ZNF420: variants seen among roughly 807,000 people sequenced by gnomAD.
ZNF420 encodes the protein zinc finger protein 420, also known as ATM and p53-associated KZNF protein.
A neutral mutation model predicts 44.7 loss-of-function variants in ZNF420; 31 were observed. That is an observed-to-expected ratio of 0.69 (90% confidence interval 0.52 to 0.94). The LOEUF (loss-of-function observed/expected upper bound fraction) is 0.94. Ranked by LOEUF, ZNF420 falls within the 40% of genes least tolerant of loss-of-function variation. The pLI is 0.00. For synonymous variants in ZNF420, 245 were observed against 267.4 expected, an observed-to-expected ratio of 0.92 and a Z score of 0.82; for missense variants, 681 against 827.9, an observed-to-expected ratio of 0.82 and a Z score of 2.18.
intron 1 of ZNF420, among the ~76,000 whole-genome samples, chr19:37,014,542 T>C (rs2074595549): frequency 6.6e-6 from 1 of 152,174 alleles, no homozygotes; most frequent in Admixed American, 6.5e-5. Flanking sequence ...GTCAGGACTC[T>C]TAGGGTCCTG....
At chr19:37,018,122 A>G (rs1267717849) in intron 1 of ZNF420, among the ~76,000 whole-genome samples, 1 of 152,232 alleles carries the variant, frequency 6.6e-6, no homozygotes, top group Non-Finnish European at 1.5e-5. Context: ...TGTCCAATGA[A>G]AACTACATAT....
rs1312507578 is a variant in ZNF420, at chr19:37,129,607, C to G, written c.*549C>G. ...TTGAGAAATCTTTTATCAACACATC[C>G]AAGATGACTTGGTTGGGGGGCACTG... On this transcript the variant is annotated 3_prime_UTR_variant, in exon 5 of 5. Transcript: ENST00000337995. 6.3e-6 allele frequency: 1 copy of G among 157,616 alleles called. No individual in the cohort carries two copies. Among genetic ancestry groups the G allele is most frequent in the African/African-American group, 2.4e-5 (1 of 41,376 alleles). 9.8% of individuals were successfully genotyped at this position (157,616 alleles called of 1,614,324 possible).
In ZNF420 at chr19:37,128,179, T is replaced by C. The variant is rs575909364; in HGVS notation, c.1188T>C (p.Cys396=). 5 of 1,614,042 alleles carry C rather than the reference T, an allele frequency of 3.1e-6. No homozygotes were observed. Among genetic ancestry groups the C allele is most frequent in the East Asian group, 4.5e-5 (2 of 44,882 alleles). The change falls in exon 5 of 5, where the codon TGT becomes TGC. Residue 396 remains cysteine (C), a synonymous_variant. Coordinates refer to ENST00000337995, the MANE Select transcript of ZNF420 (RefSeq NM_144689.5). Reference sequence around the variant, plus strand: ...AAAAGCCCTATGAATGTAAGGAATGTGGAAAGATGTTTAGTCATGGCTCAC... The same window carrying C: ...AAAAGCCCTATGAATGTAAGGAATGCGGAAAGATGTTTAGTCATGGCTCAC... ...TNEKPYECKE[C]GKMFSHGSQL...
At chr19:37,110,128 G>GT (rs896382508) in intron 4 of ZNF420, among the ~76,000 whole-genome samples, 4 of 152,208 alleles carry the variant, frequency 2.6e-5, no homozygotes, top group African/African-American at 9.6e-5. Context: ...GATAATAAAT[G>GT]TTTTTTAACA....
At chr19:37,028,618 T>C (rs1967193972) in intron 1 of ZNF420, among the ~76,000 whole-genome samples, 4 of 152,242 alleles carry the variant, frequency 2.6e-5, no homozygotes, top group Admixed American at 2.6e-4. Flanking sequence ...CATCTGATTT[T>C]TCTCTTGAGG....
At chr19:37,069,929 A>G (rs1379858162) in intron 1 of ZNF420, among the ~76,000 whole-genome samples, 2 of 152,150 alleles carry the variant, frequency 1.3e-5, no homozygotes, top group Non-Finnish European at 1.5e-5. Flanking sequence ...GAAAGCAAGG[A>G]AATAATAAAG....
intron 4 of ZNF420, among the ~76,000 whole-genome samples, chr19:37,121,943 C>T (rs1264759429): frequency 1.3e-5 from 2 of 152,210 alleles, no homozygotes; most frequent in African/African-American, 4.8e-5. Context: ...GAATGGCAAT[C>T]ATTAAAAAGT....
At chr19:37,055,039 A>G (rs1967715088) in intron 1 of ZNF420, among the ~76,000 whole-genome samples, 1 of 152,184 alleles carries the variant, frequency 6.6e-6, no homozygotes, top group South Asian at 2.1e-4. Flanking sequence ...AAAAGTTATA[A>G]AATAAGTGGG....
intron 1 of ZNF420, among the ~76,000 whole-genome samples, chr19:37,050,352 G>T (rs1967616910): frequency 6.6e-6 from 1 of 152,192 alleles, no homozygotes; most frequent in African/African-American, 2.4e-5. Context: ...CCATGAGCAT[G>T]TAATGTTCTT....
chr19:37,089,016 T>C, intron 2 of ZNF420, 23 bp from the exon 3 acceptor site: 1 of 1,015,222 alleles, frequency 9.9e-7, no homozygotes, highest in Non-Finnish European at 1.6e-6. Context: ...CCTGGTCTCA[T>C]GGTTCTGCTT....
chr19:37,075,773 A>C (rs1968136686), upstream of ZNF420, among the ~76,000 whole-genome samples: 1 of 151,866 alleles, frequency 6.6e-6, no homozygotes, highest in South Asian at 2.1e-4. Flanking sequence ...ACAAACAAAC[A>C]AACAAAAACA....
At chr19:37,102,972 T>A (rs1448760604) in intron 4 of ZNF420, among the ~76,000 whole-genome samples, 1 of 139,360 alleles carries the variant, frequency 7.2e-6, no homozygotes, top group Non-Finnish European at 1.5e-5. Flanking sequence ...TGTTTCTACG[T>A]TTCTAATTTA....
intron 4 of ZNF420, chr19:37,106,671 A>AC (rs1460089333): frequency 6.6e-6 from 1 of 152,142 alleles, no homozygotes; most frequent in Non-Finnish European, 1.5e-5. Context: ...GCCCCTCCAT[A>AC]CCTGTGGGTG....
chr19:37,029,599 G>C (rs1400084445), intron 1 of ZNF420, among the ~76,000 whole-genome samples: 5 of 149,686 alleles, frequency 3.3e-5, no homozygotes, highest in Non-Finnish European at 5.9e-5. Context: ...CCAGGCTGGA[G>C]TGCAATGGCA....
chr19:37,100,996 T>C (rs920113002), intron 4 of ZNF420, among the ~76,000 whole-genome samples: 3 of 33,076 alleles, frequency 9.1e-5, no homozygotes, highest in African/African-American at 9.0e-4. Context: ...ATTTATTCCT[T>C]TTTTTTTTTT....
At chr19:37,088,811 C>G (rs150717974) in intron 2 of ZNF420, among the ~76,000 whole-genome samples, 1 of 152,186 alleles carries the variant, frequency 6.6e-6, no homozygotes, top group Admixed American at 6.5e-5. Flanking sequence ...TCGTTATTAC[C>G]TATGAGTTTC....
chr19:37,030,795 G>C (rs540649340), intron 1 of ZNF420, among the ~76,000 whole-genome samples: 1 of 152,092 alleles, frequency 6.6e-6, no homozygotes, highest in Non-Finnish European at 1.5e-5. Flanking sequence ...GAGGGTCATC[G>C]TTTTCTTGAG....
chr19:37,083,799 G>A (rs1968607762), intron 2 of ZNF420, among the ~76,000 whole-genome samples: 2 of 152,040 alleles, frequency 1.3e-5, no homozygotes, highest in South Asian at 4.1e-4. Flanking sequence ...TATAAGAAGT[G>A]CTTTTAAGAA....
upstream of ZNF420, among the ~76,000 whole-genome samples, chr19:37,075,539 G>A (rs1568438109): frequency 6.6e-6 from 1 of 152,072 alleles, no homozygotes. Context: ...TCAGGAGTTC[G>A]AGACCAGCCT....
Sources: gnomAD v4.1 joint callset for allele counts (sites outside exome capture counted in the v4.1 genomes callset) on GRCh38, gnomAD v4.1.1 for gene constraint, MANE v1.5 for transcripts, NCBI Gene and HGNC (gene_info 2026-07-23, HGNC 2026-07-21) for gene names.